Variants in SLC9A5 observed in about 807,000 individuals in gnomAD.
SLC9A5 encodes solute carrier family 9 member A5, also known as sodium/hydrogen exchanger 5.
SLC9A5 carries 52 observed loss-of-function variants against 91.7 expected under a neutral mutation model. The ratio of observed to expected loss-of-function variants is 0.57; its 90% confidence interval spans 0.45 to 0.71. The LOEUF is 0.71. Among genes scored for constraint, SLC9A5 ranks in the 30% least tolerant of loss-of-function variants. SLC9A5 has a pLI of 0.00. For synonymous variants in SLC9A5, 419 were observed against 474.5 expected, an observed-to-expected ratio of 0.88 and a Z score of 1.52; for missense variants, 871 against 1,158.9, an observed-to-expected ratio of 0.75 and a Z score of 3.61.
rs2035304233 is a variant in SLC9A5 at position 67,255,997 on chromosome 16, G to A, written c.911+67G>A. The A allele has an allele frequency of 1.3e-6, 2 of 1,534,278 alleles. No homozygotes were observed. The highest frequency in any genetic ancestry group is 1.8e-6 in the Non-Finnish European group (2 of 1,127,752). On this transcript the variant is annotated intron_variant, in intron 5 of 15. Transcript: ENST00000299798. The surrounding 1 kb of genome is among the most constrained non-coding windows in gnomAD (Gnocchi z 4.9). ...CACTGGAGATGGTTGCCCCTCATAG[G>A]GACACAGGCAGGAACTTCAGGAGTC... is the stretch of plus-strand genomic sequence containing the variant.
Position 67,257,477 on chromosome 16 carries a change from TCTC to T in SLC9A5, c.1425+46_1425+48del, listed in dbSNP as rs766985738. On this transcript the variant is annotated intron_variant, in intron 8 of 15. Coordinates refer to ENST00000299798, the MANE Select transcript of SLC9A5 (RefSeq NM_004594.3). This position sits in a 1 kb window ranked among gnomAD's most constrained non-coding sequence, Gnocchi z 5.1. ...AGCCCTCGCCTGTCCCTCTCGACCT[TCTC>T]CTATTTTGGGCAGAGTCCTGATCCA... The T allele has an allele frequency of 1.4e-5, 23 of 1,613,070 alleles. No individual in the cohort carries two copies. The highest frequency in any genetic ancestry group is 1.3e-4 in the South Asian group (12 of 91,064).
chr16:67,257,604 G>A lies in SLC9A5; in HGVS notation c.1496+3G>A. On this transcript the variant is annotated splice_donor_region_variant and intron_variant, in intron 9 of 15. Transcript: ENST00000299798. The surrounding 1 kb of genome is among the most constrained non-coding windows in gnomAD (Gnocchi z 5.1). ...GGCTACCACTACTGGAGGGACAGGT[G>A]AGGGAGCTGCCCCGAGGCTCCTTCA... The A allele has an allele frequency of 1.2e-6, 2 of 1,614,100 alleles. No homozygotes were observed. Among genetic ancestry groups the A allele is most frequent in the Non-Finnish European group, 8.5e-7 (1 of 1,179,958 alleles).
rs776141798 is a variant in SLC9A5 at position 67,271,042 on chromosome 16, C to T, written c.2523C>T (p.Phe841=). Residue 841 remains phenylalanine, a synonymous_variant, in exon 16 of 16, where the codon TTC becomes TTT. Transcript: ENST00000299798. ...LPSDPRSSFA[F]PPSLAKAGRS... ...CTGATCCACGCTCTAGCTTCGCCTT[C>T]CCACCGAGCCTGGCCAAGGCTGGCC... 3 of 1,612,200 alleles carry T rather than the reference C, an allele frequency of 1.9e-6. No homozygotes were observed. Among genetic ancestry groups the T allele is most frequent in the East Asian group, 2.2e-5 (1 of 44,852 alleles).
Position 67,271,234 on chromosome 16 carries a change from G to C in SLC9A5, c.*24G>C. ...AGCTCAAGGCCTCGGGGAGGAGCAG[G>C]AGGTGGAATCCCTGTGGGAAGTGCT... On this transcript the variant is annotated 3_prime_UTR_variant, in exon 16 of 16. Transcript: ENST00000299798. 6.3e-7 allele frequency: 1 copy of C among 1,587,768 alleles called. No individual in the cohort carries two copies. The highest frequency in any genetic ancestry group is 8.6e-7 in the Non-Finnish European group (1 of 1,166,582).
At position 67,252,968 on chromosome 16, in the gene SLC9A5, G is replaced by A. The variant is rs924250265; in HGVS notation, c.490+124G>A. 8.9e-6 allele frequency: 8 copies of A among 895,530 alleles called. No individual in the cohort carries two copies. The African/African-American group carries it at 1.0e-4, about 11-fold the overall frequency. 55.5% of individuals were successfully genotyped at this position (895,530 alleles called of 1,614,324 possible). On this transcript the variant is annotated intron_variant, in intron 2 of 15. Transcript: ENST00000299798. This position sits in a 1 kb window ranked among gnomAD's most constrained non-coding sequence, Gnocchi z 4.0. ...GCTCCATCCTAGGTCCCTCCCTCTG[G>A]AGTGCAAGGCAGTGCTCCCGCTGGG... is the stretch of plus-strand genomic sequence containing the variant.
intron 10 of SLC9A5, among the ~76,000 whole-genome samples, chr16:67,259,103 A>G (rs1461343760): frequency 6.6e-6 from 1 of 152,038 alleles, no homozygotes; most frequent in Non-Finnish European, 1.5e-5. Context: ...TACTAAAAAT[A>G]CAAAAACTAG....
chr16:67,271,159 C>CACCG lies in SLC9A5; in HGVS notation c.2641_2644dup (p.Ala882AspfsTer37). 1 of 1,613,248 alleles carries CACCG rather than the reference C, an allele frequency of 6.2e-7. No homozygotes were observed. Among genetic ancestry groups the CACCG allele is most frequent in the South Asian group, 1.1e-5 (1 of 91,084 alleles). ...AGGACCACACCCATCTCAGCCCAGG[C>CACCG]ACCGCTACCTCCCACTGGTGCATCC... On this transcript the variant is annotated frameshift_variant, in exon 16 of 16. Coordinates refer to ENST00000299798, the MANE Select transcript of SLC9A5 (RefSeq NM_004594.3). LOFTEE classifies it high-confidence loss of function.
At chr16:67,267,037 C>T (rs1443460363) in intron 15 of SLC9A5, among the ~76,000 whole-genome samples, 7 of 147,754 alleles carry the variant, frequency 4.7e-5, no homozygotes, top group East Asian at 2.0e-4. Flanking sequence ...CTCAGCTTCC[C>T]GAGTAGTTGG....
rs1478729540 is a variant in SLC9A5, at chr16:67,270,257, C to T, written c.2219-481C>T. 1.3e-5 allele frequency among the ~76,000 whole-genome samples: 2 copies of T among 152,130 alleles called. No homozygotes were observed. Among genetic ancestry groups the T allele is most frequent in the African/African-American group, 2.4e-5 (1 of 41,412 alleles). ...CTGGAGTGCAGTGGCGAGATCTCGG[C>T]TCATTGCAACCTCTGCCTCCCGGGT... On this transcript the variant is annotated intron_variant, in intron 15 of 15. Coordinates refer to ENST00000299798, the MANE Select transcript of SLC9A5 (RefSeq NM_004594.3). This position sits in a 1 kb window ranked among gnomAD's most constrained non-coding sequence, Gnocchi z 4.3.
At chr16:67,266,038 C>T in intron 14 of SLC9A5, 50 bp from the exon 15 acceptor site, 1 of 1,604,250 alleles carries the variant, frequency 6.2e-7, no homozygotes, top group Non-Finnish European at 8.5e-7. Context: ...GTAGTCCCAA[C>T]AGGCAGCTGC....
chr16:67,271,492 G>C lies in SLC9A5; in HGVS notation c.*282G>C, dbSNP rs1216367974. 1 of 457,874 alleles carries C rather than the reference G, an allele frequency of 2.2e-6. No homozygotes were observed. Among genetic ancestry groups the C allele is most frequent in the Non-Finnish European group, 4.0e-6 (1 of 252,518 alleles). The allele number at this position is 457,874 out of a possible 1,614,324, so 28.4% of individuals were successfully genotyped here. A position where few individuals can be genotyped will look rare whatever the true frequency, so the allele number is the denominator to read the frequency against. Reference sequence around the variant, plus strand: ...TTCTACGGGCTAGGCCCAGAGACTTGGGTTGCTGGTCCCCCTTCCCTAGTG... The same window carrying C: ...TTCTACGGGCTAGGCCCAGAGACTTCGGTTGCTGGTCCCCCTTCCCTAGTG... On this transcript the variant is annotated 3_prime_UTR_variant, in exon 16 of 16. Coordinates refer to ENST00000299798, the MANE Select transcript of SLC9A5 (RefSeq NM_004594.3).
At chr16:67,269,644 T>C (rs1403166990) in intron 15 of SLC9A5, among the ~76,000 whole-genome samples, 1 of 152,172 alleles carries the variant, frequency 6.6e-6, no homozygotes, top group African/African-American at 2.4e-5. Context: ...TTTCAAGAGA[T>C]ACCATTTTAC....
rs1458591619 is a variant in SLC9A5 at position 67,271,249 on chromosome 16, TG to T, written c.*42del. Reference sequence around the variant, plus strand: ...GGAGGAGCAGGAGGTGGAATCCCTGTGGGAAGTGCTCCCTGGGTGATGGGTA... The same window carrying T: ...GGAGGAGCAGGAGGTGGAATCCCTGTGGAAGTGCTCCCTGGGTGATGGGTA... On this transcript the variant is annotated 3_prime_UTR_variant, in exon 16 of 16. Coordinates refer to ENST00000299798, the MANE Select transcript of SLC9A5 (RefSeq NM_004594.3). 21 of 1,541,620 alleles carry T rather than the reference TG, an allele frequency of 1.4e-5. No individual in the cohort carries two copies. Among genetic ancestry groups the T allele is most frequent in the Middle Eastern group, 1.7e-4 (1 of 5,948 alleles).
Position 67,270,852 on chromosome 16 carries a change from A to C in SLC9A5, c.2333A>C (p.Glu778Ala). The change falls in exon 16 of 16, where the codon GAA (glutamate) becomes GCA (alanine). Residue 778 changes from glutamate (E) to alanine (A), a missense_variant. Physicochemically the swap from Glu to Ala is moderately radical, Grantham distance 107 (BLOSUM62 -1). Around this residue, in one of 3 missense-constraint regions of SLC9A5, gnomAD observed 295 missense variants for 326.0 expected, o/e 0.90. Transcript: ENST00000299798. This position sits in a 1 kb window ranked among gnomAD's most constrained non-coding sequence, Gnocchi z 4.3. ...GACCTGGCAGTGTACGTGTCCTCGG[A>C]AACCACCAAGATTGTGCCTGTGGAC... is the stretch of plus-strand genomic sequence containing the variant. ...QGDLAVYVSS[E>A]TTKIVPVDMQ... 1 of 1,614,026 alleles carries C rather than the reference A, an allele frequency of 6.2e-7. No homozygotes were observed. Among genetic ancestry groups the C allele is most frequent in the Non-Finnish European group, 8.5e-7 (1 of 1,179,988 alleles).
chr16:67,252,475 T>A lies in SLC9A5; in HGVS notation c.188-67T>A. On this transcript the variant is annotated intron_variant, in intron 1 of 15. Coordinates refer to ENST00000299798, the MANE Select transcript of SLC9A5 (RefSeq NM_004594.3). This position sits in a 1 kb window ranked among gnomAD's most constrained non-coding sequence, Gnocchi z 4.0. ...AAAAAAAAAAAAACAAAACTGGGAG[T>A]TCATAGGCCTGTGTGTGGGAGGATA... 7.4e-7 allele frequency: 1 copy of A among 1,349,186 alleles called. No homozygotes were observed. The highest frequency in any genetic ancestry group is 1.0e-6 in the Non-Finnish European group (1 of 991,254). 83.6% of individuals were successfully genotyped at this position (1,349,186 alleles called of 1,614,324 possible).
At position 67,259,810 on chromosome 16, in the gene SLC9A5, C is replaced by A. The variant is rs190794907; in HGVS notation, c.1716-10C>A. 1.2e-6 allele frequency: 2 copies of A among 1,613,630 alleles called. No homozygotes were observed. Among genetic ancestry groups the A allele is most frequent in the Non-Finnish European group, 8.5e-7 (1 of 1,179,690 alleles). On this transcript the variant is annotated splice_polypyrimidine_tract_variant and intron_variant, in intron 11 of 15. Transcript: ENST00000299798. ...CCCTCTCCAGCACATGTGTCCCCTGCCTCCTGCAGGAGGGAGAGTGGCAGT... is the reference window on the plus strand; with the variant it reads ...CCCTCTCCAGCACATGTGTCCCCTGACTCCTGCAGGAGGGAGAGTGGCAGT...
rs755780279 is a variant in SLC9A5, at chr16:67,252,552, G to C, written c.198G>C (p.Leu66=). Residue 66 remains leucine, a synonymous_variant, in exon 2 of 16, where the codon CTG becomes CTC. Coordinates refer to ENST00000299798, the MANE Select transcript of SLC9A5 (RefSeq NM_004594.3). The surrounding 1 kb of genome is among the most constrained non-coding windows in gnomAD (Gnocchi z 4.0). ...VASLAKIVFH[L]SRKVTSLVPE... ...CTTTTTGCATTGCAGTGTTTCACCT[G>C]TCTCGGAAAGTAACATCTCTGGTCC... The C allele has an allele frequency of 6.2e-7, 1 of 1,612,142 alleles. No individual in the cohort carries two copies.
In SLC9A5 at chr16:67,266,027, T is replaced by C. The variant is rs990440441; in HGVS notation, c.2081-61T>C. ...GAGACAGGGAGCTGGCTTGGGGCTGTGTAGTCCCAACAGGCAGCTGCCAGC... is the reference window on the plus strand; with the variant it reads ...GAGACAGGGAGCTGGCTTGGGGCTGCGTAGTCCCAACAGGCAGCTGCCAGC... On this transcript the variant is annotated intron_variant, in intron 14 of 15. Transcript: ENST00000299798. The C allele has an allele frequency of 5.0e-6, 8 of 1,599,930 alleles. No homozygotes were observed. The South Asian group carries it at 7.9e-5, about 16-fold the overall frequency.
intron 12 of SLC9A5, 82 bp downstream of exon 12, chr16:67,260,028 T>C: frequency 2.6e-6 from 4 of 1,535,732 alleles, no homozygotes; most frequent in Non-Finnish European, 2.6e-6. Flanking sequence ...GCCAGCTTGT[T>C]GGAGAGCTGC....
Sources: gnomAD v4.1 joint callset for allele counts (sites outside exome capture counted in the v4.1 genomes callset) on GRCh38, gnomAD v4.1.1 for gene constraint, gnomAD v4.1.1 regional missense constraint, Gnocchi (gnomAD v3.1) non-coding constraint, MANE v1.5 for transcripts, NCBI Gene and HGNC (gene_info 2026-07-23, HGNC 2026-07-21) for gene names.